The following TEX2 variants were observed in gnomAD, a reference collection of about 807,000 sequenced individuals.
The protein encoded by TEX2 is testis expressed 2, also known as testis-expressed protein 2.
A neutral mutation model predicts 106.9 loss-of-function variants in TEX2; 53 were observed. The observed-to-expected ratio is 0.50, with a 90% CI of 0.40 to 0.62. The LOEUF (loss-of-function observed/expected upper bound fraction) is 0.62, where lower values mean the gene tolerates loss of function less well. Ranked by LOEUF, TEX2 falls within the 20% of genes least tolerant of loss-of-function variation. The pLI is 0.00. For missense variants in TEX2, 1,207 were observed against 1,379.0 expected, an observed-to-expected ratio of 0.88 and a Z score of 1.98; for synonymous variants, 523 against 534.8, an observed-to-expected ratio of 0.98 and a Z score of 0.30.
intron 1 of TEX2, among the ~76,000 whole-genome samples, chr17:64,252,626 G>C (rs1555637134): frequency 6.6e-6 from 1 of 152,122 alleles, no homozygotes; most frequent in African/African-American, 2.4e-5. Flanking sequence ...ATATAACCAA[G>C]TTTTAAAGAG....
At chr17:64,166,374 G>C (rs2031136744) in intron 7 of TEX2, among the ~76,000 whole-genome samples, 1 of 152,224 alleles carries the variant, frequency 6.6e-6, no homozygotes, top group Admixed American at 6.5e-5. Flanking sequence ...CCGCTGAATG[G>C]TGTACGAGCA....
rs1342203668 is a variant in TEX2 at position 64,240,146 on chromosome 17, A to C, written c.-26+23022T>G. Reference sequence around the variant, plus strand: ...ATACAATGTTTAAAAATGTAAATGAATGCCTGCTATGGTAGGGTCATATGA... The same window carrying C: ...ATACAATGTTTAAAAATGTAAATGACTGCCTGCTATGGTAGGGTCATATGA... On this transcript the variant is annotated intron_variant, in intron 1 of 11. Coordinates refer to ENST00000584379, the MANE Select transcript of TEX2 (RefSeq NM_001288732.2). Among the ~76,000 whole-genome samples, 3 of 152,092 alleles carry C rather than the reference A, an allele frequency of 2.0e-5. No individual in the cohort carries two copies. The East Asian group carries it at 5.8e-4, about 29-fold the overall frequency.
intron 6 of TEX2, among the ~76,000 whole-genome samples, chr17:64,175,370 T>C (rs1287987818): frequency 6.6e-6 from 1 of 152,196 alleles, no homozygotes; most frequent in Non-Finnish European, 1.5e-5. Context: ...TTCTCCATTC[T>C]AACCTTTTAG....
chr17:64,251,958 A>G (rs1555637049), intron 1 of TEX2, among the ~76,000 whole-genome samples: 1 of 152,184 alleles, frequency 6.6e-6, no homozygotes, highest in Non-Finnish European at 1.5e-5. Context: ...TGCAAATATG[A>G]GCAGGGCAGA....
At chr17:64,160,744 G>A in intron 8 of TEX2, 57 bp downstream of exon 8, 1 of 1,598,978 alleles carries the variant, frequency 6.3e-7, no homozygotes, top group Admixed American at 1.7e-5. Context: ...CTCAAAGGCT[G>A]GAGGGAGAAG....
chr17:64,198,453 G>A (rs931508257), intron 2 of TEX2, among the ~76,000 whole-genome samples: 5 of 151,732 alleles, frequency 3.3e-5, no homozygotes, highest in Non-Finnish European at 5.9e-5. Flanking sequence ...CATGAAGGGC[G>A]GGGGGAAGTT....
chr17:64,188,673 G>A (rs1289172680), intron 4 of TEX2, among the ~76,000 whole-genome samples: 9 of 151,852 alleles, frequency 5.9e-5, no homozygotes, highest in Admixed American at 2.0e-4. Context: ...AAAATTAGCC[G>A]GGCGTGGTGG....
chr17:64,231,977 C>T (rs962383282), intron 1 of TEX2, among the ~76,000 whole-genome samples: 9 of 152,244 alleles, frequency 5.9e-5, no homozygotes, highest in African/African-American at 1.9e-4. Flanking sequence ...TATCCGGGAT[C>T]AGACAGCTTG....
Position 64,153,373 on chromosome 17 carries a change from CAAT to C in TEX2, c.2931-222_2931-220del, listed in dbSNP as rs774876906. 2.2e-5 allele frequency among the ~76,000 whole-genome samples: 3 copies of C among 136,660 alleles called. No homozygotes were observed. The highest frequency in any genetic ancestry group is 4.9e-5 in the Non-Finnish European group (3 of 61,630). 89.7% of individuals were successfully genotyped at this position (136,660 alleles called of 152,430 possible). A position where few individuals can be genotyped will look rare whatever the true frequency, so the allele number is the denominator to read the frequency against. On this transcript the variant is annotated intron_variant, in intron 9 of 11. Coordinates refer to ENST00000584379, the MANE Select transcript of TEX2 (RefSeq NM_001288732.2). The surrounding 1 kb of genome is among the most constrained non-coding windows in gnomAD (Gnocchi z 4.1). ...CCAATAGCACTCCCCCTAGTTATGA[CAAT>C]AAAAAATGTTGCCAGACATCGGCAA...
At chr17:64,228,855 A>T (rs2033582819) in intron 1 of TEX2, among the ~76,000 whole-genome samples, 1 of 151,294 alleles carries the variant, frequency 6.6e-6, no homozygotes, top group Non-Finnish European at 1.5e-5. Context: ...ATATTATACA[A>T]ATTGTTTTGC....
intron 1 of TEX2, among the ~76,000 whole-genome samples, chr17:64,260,918 GA>G (rs1158987674): frequency 1.3e-5 from 2 of 152,092 alleles, no homozygotes; most frequent in Admixed American, 6.5e-5. Flanking sequence ...TTGACAAATG[GA>G]AAAAAAGAAA....
At chr17:64,166,942 C>T (rs1567912221) in intron 7 of TEX2, among the ~76,000 whole-genome samples, 1 of 151,952 alleles carries the variant, frequency 6.6e-6, no homozygotes, top group African/African-American at 2.4e-5. Context: ...TGCTGTGTGG[C>T]CTAAAGGAAA....
rs1463089106 is a variant in TEX2 at position 64,165,265 on chromosome 17, G to T, written c.2672-4332C>A. 2.0e-5 allele frequency among the ~76,000 whole-genome samples: 3 copies of T among 152,164 alleles called. 1 individual carries two copies. The highest frequency in any genetic ancestry group is 2.9e-5 in the Non-Finnish European group (2 of 68,032). ...CTCATTCAGATACTACAGAAAATTA[G>T]CAATTCCTTGTGTGTGGATGTGTCT... On this transcript the variant is annotated intron_variant, in intron 7 of 11. Coordinates refer to ENST00000584379, the MANE Select transcript of TEX2 (RefSeq NM_001288732.2).
At chr17:64,172,492 G>A (rs2031452054) in intron 6 of TEX2, among the ~76,000 whole-genome samples, 1 of 152,158 alleles carries the variant, frequency 6.6e-6, no homozygotes. Flanking sequence ...TCCAGCTTCT[G>A]GTTGGGCATG....
chr17:64,154,143 A>T (rs1348381314), intron 9 of TEX2, among the ~76,000 whole-genome samples: 1 of 152,192 alleles, frequency 6.6e-6, no homozygotes, highest in Non-Finnish European at 1.5e-5. Flanking sequence ...TAGACTGTAA[A>T]TAATACACAC....
intron 1 of TEX2, among the ~76,000 whole-genome samples, chr17:64,222,094 A>G (rs2033372498): frequency 6.6e-6 from 1 of 152,244 alleles, no homozygotes; most frequent in South Asian, 2.1e-4. Context: ...GATTGGTTGT[A>G]TAACAATGTG....
chr17:64,155,127 G>A (rs971357734), intron 8 of TEX2, 160 bp from the exon 9 acceptor site: 3 of 866,200 alleles, frequency 3.5e-6, no homozygotes, highest in South Asian at 2.7e-5. Context: ...AACCAGAAGA[G>A]GCCCAATCCA....
At chr17:64,260,105 A>G (rs2034263265) in intron 1 of TEX2, among the ~76,000 whole-genome samples, 1 of 152,218 alleles carries the variant, frequency 6.6e-6, no homozygotes, top group Non-Finnish European at 1.5e-5. Context: ...GCAGTAAAAG[A>G]TTTCCCAATA....
intron 1 of TEX2, among the ~76,000 whole-genome samples, chr17:64,228,332 T>G (rs1446528221): frequency 6.6e-6 from 1 of 152,200 alleles, no homozygotes; most frequent in Non-Finnish European, 1.5e-5. Context: ...GCATTTATTG[T>G]GCATTTCATT....
Sources: allele counts gnomAD v4.1 joint callset (sites outside exome capture counted in the v4.1 genomes callset), GRCh38; gene constraint gnomAD v4.1.1; non-coding constraint Gnocchi (gnomAD v3.1); transcripts MANE v1.5; gene names NCBI Gene and HGNC (gene_info 2026-07-23, HGNC 2026-07-21).